TBL1X: variants seen among roughly 807,000 people sequenced by gnomAD.
TBL1X encodes the protein F-box-like/WD repeat-containing protein TBL1X.
Under a neutral mutation model 50.7 loss-of-function variants are expected in TBL1X, and 10 were observed. That is an observed-to-expected ratio of 0.20 (90% CI 0.12 to 0.33). The LOEUF is 0.33. TBL1X is among the 10% of genes least tolerant of loss of function. The pLI, the probability that TBL1X is intolerant of heterozygous loss-of-function variation, is 1.00. For synonymous variants in TBL1X, 190 were observed against 214.7 expected (o/e 0.88, Z 1.01); for missense variants, 340 against 504.4 (o/e 0.67, Z 3.12).
chrX:9,485,103 C>G (rs2081904279), intron 1 of TBL1X, among the ~76,000 whole-genome samples: 1 of 109,595 alleles, frequency 9.1e-6, no homozygotes, highest in Non-Finnish European at 1.9e-5. Flanking sequence ...AATACTCCCC[C>G]CAAAACCCCA....
intron 2 of TBL1X, among the ~76,000 whole-genome samples, chrX:9,598,556 G>A (rs187254585): frequency 8.9e-6 from 1 of 111,963 alleles, no homozygotes; most frequent in Non-Finnish European, 1.9e-5. Context: ...AGACTGGCCA[G>A]ATCTGGATGG....
chrX:9,704,721 C>CA (rs35199289), intron 12 of TBL1X, among the ~76,000 whole-genome samples: 97 of 96,192 alleles, frequency 1.0e-3, no homozygotes, highest in East Asian at 1.3e-3. Context: ...CTCGTCTCTG[C>CA]AAAAAAAAAA....
At chrX:9,660,863 C>A (rs1212065461) in intron 5 of TBL1X, among the ~76,000 whole-genome samples, 1 of 112,359 alleles carries the variant, frequency 8.9e-6, no homozygotes, top group Non-Finnish European at 1.9e-5. Flanking sequence ...TTTCTGTTCC[C>A]CCGAATTCCT....
At chrX:9,660,150 G>A (rs1274518629) in intron 5 of TBL1X, among the ~76,000 whole-genome samples, 4 of 112,909 alleles carry the variant, frequency 3.5e-5, no homozygotes, top group East Asian at 5.6e-4. Flanking sequence ...TGGCGGCCAC[G>A]AAAGCTCTCT....
At chrX:9,622,927 A>T (rs760427051) in intron 2 of TBL1X, among the ~76,000 whole-genome samples, 11 of 112,348 alleles carry the variant, frequency 9.8e-5, no homozygotes, top group African/African-American at 3.6e-4. Flanking sequence ...ATTGTGAATG[A>T]TGCTGCTGTG....
intron 2 of TBL1X, among the ~76,000 whole-genome samples, chrX:9,571,089 A>G (rs149753793): frequency 0.011 from 1,276 of 112,386 alleles, 4 homozygotes; most frequent in Middle Eastern, 0.023. Flanking sequence ...GGCTTAAACA[A>G]TAGAAATTTC....
At chrX:9,472,156 A>G (rs951133397) in intron 1 of TBL1X, among the ~76,000 whole-genome samples, 1 of 112,508 alleles carries the variant, frequency 8.9e-6, no homozygotes, top group African/African-American at 3.2e-5. Flanking sequence ...GTGAATGTGC[A>G]GTATTGTTCA....
intron 2 of TBL1X, among the ~76,000 whole-genome samples, chrX:9,593,266 A>T (rs56287151): frequency 0.021 from 2,296 of 109,224 alleles, 17 homozygotes; most frequent in Middle Eastern, 0.057. Context: ...GCCAGGTGTG[A>T]CGGTGGGCGC....
intron 11 of TBL1X, among the ~76,000 whole-genome samples, chrX:9,696,408 G>A (rs754161296): frequency 5.8e-4 from 65 of 112,805 alleles, no homozygotes; most frequent in African/African-American, 2.1e-3. Context: ...TTGACTGAGC[G>A]TCAGTAACAG....
intron 5 of TBL1X, among the ~76,000 whole-genome samples, chrX:9,675,434 T>C (rs922864222): frequency 2.7e-5 from 3 of 111,115 alleles, no homozygotes; most frequent in African/African-American, 9.8e-5. Context: ...CTGGATGTAG[T>C]GTGAGTAAAG....
chrX:9,544,891 G>A (rs752551536), intron 2 of TBL1X, among the ~76,000 whole-genome samples: 1 of 111,459 alleles, frequency 9.0e-6, no homozygotes, highest in South Asian at 3.8e-4. Flanking sequence ...ATACAGAAAC[G>A]GACTTAATTG....
chrX:9,577,340 G>T (rs964781529), intron 2 of TBL1X, among the ~76,000 whole-genome samples: 9 of 112,078 alleles, frequency 8.0e-5, no homozygotes, highest in African/African-American at 2.6e-4. Context: ...GAACAGTCTG[G>T]CTTGATGGAT....
At chrX:9,685,075 C>T (rs775111871) in intron 6 of TBL1X, among the ~76,000 whole-genome samples, 1 of 112,259 alleles carries the variant, frequency 8.9e-6, no homozygotes, top group East Asian at 2.8e-4. Flanking sequence ...AAAATAAATG[C>T]ACATTAAAAC....
intron 2 of TBL1X, among the ~76,000 whole-genome samples, chrX:9,633,613 T>C (rs2082731710): frequency 8.9e-6 from 1 of 112,053 alleles, no homozygotes. Context: ...TATAAGTTAT[T>C]ACCATCTTGG....
At chrX:9,507,089 A>G (rs929633394) in intron 2 of TBL1X, among the ~76,000 whole-genome samples, 2 of 112,223 alleles carry the variant, frequency 1.8e-5, no homozygotes, top group South Asian at 3.7e-4. Context: ...AGTTCTGGCC[A>G]GGGCAGTCAG....
chrX:9,611,203 C>T (rs1208193119), intron 2 of TBL1X, among the ~76,000 whole-genome samples: 3 of 112,242 alleles, frequency 2.7e-5, no homozygotes, highest in Non-Finnish European at 5.6e-5. Flanking sequence ...AGTCTGAACT[C>T]AGTGTCACCA....
intron 2 of TBL1X, among the ~76,000 whole-genome samples, chrX:9,555,921 C>T (rs2082295374): frequency 9.0e-6 from 1 of 111,437 alleles, no homozygotes; most frequent in East Asian, 2.8e-4. Context: ...GGTGCAGTAG[C>T]TTACACTTGG....
At chrX:9,587,338 G>A (rs192183779) in intron 2 of TBL1X, among the ~76,000 whole-genome samples, 21 of 112,140 alleles carry the variant, frequency 1.9e-4, no homozygotes, top group Non-Finnish European at 3.4e-4. Flanking sequence ...GGAGGGAGGC[G>A]GCATCCCTTG....
chrX:9,624,473 A>T (rs1218711240), intron 2 of TBL1X, among the ~76,000 whole-genome samples: 1 of 112,203 alleles, frequency 8.9e-6, no homozygotes, highest in Non-Finnish European at 1.9e-5. Context: ...TATAATTTAC[A>T]TTTAACCTAT....
Sources: allele counts gnomAD v4.1 joint callset (sites outside exome capture counted in the v4.1 genomes callset), GRCh38; gene constraint gnomAD v4.1.1; transcripts MANE v1.5; gene names NCBI Gene and HGNC (gene_info 2026-07-23, HGNC 2026-07-21).